NR2F1-AS1: variants seen among roughly 807,000 people sequenced by gnomAD.
NR2F1-AS1 encodes the protein NR2F1 antisense RNA 1.
At chr5:93,422,158 T>C (rs1749102223) in intron 4 of NR2F1-AS1, 1 of 152,270 alleles carries the variant, frequency 6.6e-6, no homozygotes, top group South Asian at 2.1e-4. Context: ...TTGCCAAATA[T>C]TCAAATGCTC....
chr5:93,531,183 G>A (rs1751728923), intron 4 of NR2F1-AS1, among the ~76,000 whole-genome samples: 1 of 152,168 alleles, frequency 6.6e-6, no homozygotes, highest in Admixed American at 6.5e-5. Context: ...TCAAGGAAAG[G>A]AAAATAATGG....
At chr5:93,560,081 C>T (rs1423036839) in intron 2 of NR2F1-AS1, among the ~76,000 whole-genome samples, 1 of 152,164 alleles carries the variant, frequency 6.6e-6, no homozygotes, top group Non-Finnish European at 1.5e-5. Flanking sequence ...ATTACTTAAC[C>T]ATGTTTGAGC....
chr5:93,482,857 C>T (rs1477748012), intron 4 of NR2F1-AS1, among the ~76,000 whole-genome samples: 1 of 152,196 alleles, frequency 6.6e-6, no homozygotes, highest in Non-Finnish European at 1.5e-5. Context: ...TGGGCAGAGC[C>T]CACTGCAGCA....
chr5:93,523,904 A>G (rs1347202150), intron 4 of NR2F1-AS1, among the ~76,000 whole-genome samples: 1 of 152,170 alleles, frequency 6.6e-6, no homozygotes, highest in Non-Finnish European at 1.5e-5. Flanking sequence ...AGGAAAAGAC[A>G]GTGCAAAAAG....
intron 4 of NR2F1-AS1, among the ~76,000 whole-genome samples, chr5:93,434,324 G>A (rs1749389091): frequency 6.6e-6 from 1 of 151,982 alleles, no homozygotes; most frequent in Non-Finnish European, 1.5e-5. Flanking sequence ...ATCACTTTTT[G>A]TTTTCAACTT....
chr5:93,496,714 G>A (rs1750967359), intron 4 of NR2F1-AS1, among the ~76,000 whole-genome samples: 1 of 152,094 alleles, frequency 6.6e-6, no homozygotes, highest in African/African-American at 2.4e-5. Context: ...CAATTTTTGT[G>A]ATTATTTTTT....
intron 4 of NR2F1-AS1, among the ~76,000 whole-genome samples, chr5:93,423,748 T>C (rs1333765563): frequency 4.6e-5 from 7 of 152,236 alleles, no homozygotes; most frequent in Admixed American, 2.6e-4. Context: ...GCTCCTATTA[T>C]ATGCCAAGTA....
chr5:93,453,025 C>T (rs1749871090), intron 4 of NR2F1-AS1, among the ~76,000 whole-genome samples: 2 of 151,840 alleles, frequency 1.3e-5, no homozygotes, highest in Non-Finnish European at 2.9e-5. Context: ...AATAGAATGA[C>T]AAGAGAAGTA....
At chr5:93,430,841 T>C (rs1336361255) in intron 4 of NR2F1-AS1, among the ~76,000 whole-genome samples, 1 of 130,930 alleles carries the variant, frequency 7.6e-6, no homozygotes, top group Admixed American at 7.3e-5. Flanking sequence ...CTTTTTGTGT[T>C]GTCACTGTCT....
At chr5:93,468,494 GTTGT>G (rs1273897122) in intron 4 of NR2F1-AS1, among the ~76,000 whole-genome samples, 1 of 151,606 alleles carries the variant, frequency 6.6e-6, no homozygotes, top group Non-Finnish European at 1.5e-5. Context: ...TTTTGATGGG[GTTGT>G]TTTTTTCTTG....
chr5:93,581,311 G>T (rs1312049910), upstream of NR2F1-AS1: 1 of 152,296 alleles, frequency 6.6e-6, no homozygotes, highest in Non-Finnish European at 1.5e-5. Context: ...ACTCCGCGCG[G>T]CTCCGCGCCC....
chr5:93,451,577 A>AT (rs1308352984), intron 4 of NR2F1-AS1, among the ~76,000 whole-genome samples: 3 of 151,850 alleles, frequency 2.0e-5, no homozygotes, highest in African/African-American at 7.3e-5. Context: ...TTATTTTTGT[A>AT]TTTTTTGTAG....
chr5:93,421,978 TACTTTCTCAAAGCATGTGCC>T (rs1259751419), intron 4 of NR2F1-AS1, among the ~76,000 whole-genome samples: 3 of 152,230 alleles, frequency 2.0e-5, no homozygotes, highest in African/African-American at 7.2e-5. Flanking sequence ...TCTCTGTAAG[TACTTTCTCAAAGCATGTGCC>T]ACCATGACAT....
At chr5:93,419,527 A>G (rs1749042436) in intron 4 of NR2F1-AS1, among the ~76,000 whole-genome samples, 1 of 152,124 alleles carries the variant, frequency 6.6e-6, no homozygotes, top group South Asian at 2.1e-4. Flanking sequence ...CCTGTGAATA[A>G]CCACTGCACT....
At chr5:93,413,754 A>G (rs778423979) in intron 4 of NR2F1-AS1, among the ~76,000 whole-genome samples, 119 of 152,356 alleles carry the variant, frequency 7.8e-4, no homozygotes, top group Non-Finnish European at 1.5e-3. Context: ...ATTTTTCTAC[A>G]GTAAATGTCT....
chr5:93,503,225 T>A (rs1008152558), intron 4 of NR2F1-AS1, among the ~76,000 whole-genome samples: 6 of 152,168 alleles, frequency 3.9e-5, no homozygotes, highest in African/African-American at 1.4e-4. Flanking sequence ...CAAGTGACAT[T>A]AAACAGAGTA....
At chr5:93,499,643 G>A (rs2149884909) in intron 4 of NR2F1-AS1, among the ~76,000 whole-genome samples, 1 of 152,038 alleles carries the variant, frequency 6.6e-6, no homozygotes, top group Admixed American at 6.6e-5. Context: ...ATTGAAATTG[G>A]GCCAATGAAT....
intron 4 of NR2F1-AS1, among the ~76,000 whole-genome samples, chr5:93,527,761 T>A (rs1055844969): frequency 4.6e-5 from 7 of 152,154 alleles, no homozygotes; most frequent in African/African-American, 7.2e-5. Context: ...ACTCCCTATT[T>A]AATAAATGGT....
At chr5:93,476,556 T>G (rs977615763) in intron 4 of NR2F1-AS1, among the ~76,000 whole-genome samples, 2 of 152,174 alleles carry the variant, frequency 1.3e-5, no homozygotes, top group African/African-American at 4.8e-5. Flanking sequence ...CAATATGTCT[T>G]TTTCAATTAA....
Sources: allele counts gnomAD v4.1 joint callset (sites outside exome capture counted in the v4.1 genomes callset), GRCh38; gene constraint gnomAD v4.1.1; transcripts MANE v1.5; gene names NCBI Gene and HGNC (gene_info 2026-07-23, HGNC 2026-07-21).